Variants in CDKN2C observed in about 807,000 individuals in gnomAD.
The protein encoded by CDKN2C is cyclin-dependent kinase 4 inhibitor C.
In CDKN2C, 5 loss-of-function variants were observed where a neutral mutation model predicts 11.0. The observed-to-expected ratio is 0.45, with a 90% CI of 0.24 to 0.95. The LOEUF (loss-of-function observed/expected upper bound fraction) is 0.95, where lower values mean the gene tolerates loss of function less well. Among genes scored for constraint, CDKN2C ranks in the 40% least tolerant of loss-of-function variants. The pLI is 0.21. For synonymous variants in CDKN2C, 79 were observed against 88.3 expected (o/e 0.89, Z 0.59); for missense variants, 161 against 211.9 (o/e 0.76, Z 1.49).
intron 1 of CDKN2C, among the ~76,000 whole-genome samples, chr1:50,964,373 G>A (rs917276303): frequency 2.6e-5 from 4 of 152,316 alleles, no homozygotes; most frequent in East Asian, 3.9e-4. Context: ...ACACTGAGAT[G>A]TGTATCACCG....
At chr1:50,970,218 C>A, upstream of CDKN2C, 1 of 884,456 alleles carries the variant, frequency 1.1e-6, no homozygotes, top group Non-Finnish European at 1.7e-6. Context: ...GCAGATCTTA[C>A]TAGTATTTAC....
chr1:50,965,746 T>G (rs112434456), upstream of CDKN2C, among the ~76,000 whole-genome samples: 456 of 151,966 alleles, frequency 3.0e-3, 4 homozygotes, highest in African/African-American at 0.01. Flanking sequence ...TAATAAAAAA[T>G]TTTCATAAAT....
chr1:50,964,395 T>C (rs1645337575), intron 1 of CDKN2C, among the ~76,000 whole-genome samples: 1 of 152,246 alleles, frequency 6.6e-6, no homozygotes, highest in African/African-American at 2.4e-5. Context: ...AGAGGTGATA[T>C]GTCCTTGTTA....
At chr1:50,967,463 A>C (rs1167263333), upstream of CDKN2C, among the ~76,000 whole-genome samples, 1 of 152,138 alleles carries the variant, frequency 6.6e-6, no homozygotes, top group Admixed American at 6.5e-5. Context: ...TCTACCTACC[A>C]ATCTCTTGCT....
At chr1:50,968,468 G>A (rs1645359252), upstream of CDKN2C, 1 of 152,410 alleles carries the variant, frequency 6.6e-6, no homozygotes, top group Admixed American at 6.5e-5. Context: ...CAGAAGGGCA[G>A]GCCGGACTTC....
intron 1 of CDKN2C, among the ~76,000 whole-genome samples, chr1:50,971,686 A>T: frequency 6.6e-6 from 1 of 152,226 alleles, no homozygotes; most frequent in Middle Eastern, 3.2e-3. Context: ...TTGAAAACTC[A>T]AAAGATTATA....
At chr1:50,969,799 C>T (rs1347325200), upstream of CDKN2C, 1 of 189,922 alleles carries the variant, frequency 5.3e-6, no homozygotes, top group Non-Finnish European at 1.1e-5. This position sits in a 1 kb window ranked among gnomAD's most constrained non-coding sequence, Gnocchi z 6.6. Context: ...GCGGAGGACC[C>T]AGGACTATCC....
chr1:50,969,895 C>A, upstream of CDKN2C: 1 of 227,542 alleles, frequency 4.4e-6, no homozygotes, highest in South Asian at 9.9e-5. The surrounding 1 kb of genome is among the most constrained non-coding windows in gnomAD (Gnocchi z 6.6). Context: ...CCACCGTGAA[C>A]AAGGGTGGGT....
chr1:50,972,876 G>C (rs749232796), intron 1 of CDKN2C, among the ~76,000 whole-genome samples: 1 of 152,106 alleles, frequency 6.6e-6, no homozygotes. Context: ...ACTAACACAG[G>C]ATCACCAGTT....
Position 50,970,297 on chromosome 1 carries a change from G to T in CDKN2C, c.-72G>T. 6.3e-7 allele frequency: 1 copy of T among 1,589,730 alleles called. No homozygotes were observed. The highest frequency in any genetic ancestry group is 8.6e-7 in the Non-Finnish European group (1 of 1,165,664). On this transcript the variant is annotated 5_prime_UTR_variant, in exon 1 of 2. Coordinates refer to ENST00000371761, the MANE Select transcript of CDKN2C (RefSeq NM_078626.3). Reference sequence around the variant, plus strand: ...GTCTCCGATGCCATCATGCAGCCTGGTTAGGAGCAAAGGAAAGGGGAAAAA... The same window carrying T: ...GTCTCCGATGCCATCATGCAGCCTGTTTAGGAGCAAAGGAAAGGGGAAAAA...
chr1:50,973,818 G>T, intron 1 of CDKN2C, 75 bp from the exon 2 acceptor site: 1 of 1,528,386 alleles, frequency 6.5e-7, no homozygotes. Context: ...ATAAATGGAA[G>T]GACAGGCAGA....
chr1:50,972,019 AT>A (rs2147957323), intron 1 of CDKN2C, among the ~76,000 whole-genome samples: 1 of 152,208 alleles, frequency 6.6e-6, no homozygotes, highest in Non-Finnish European at 1.5e-5. Flanking sequence ...CGTTTCCAAT[AT>A]TGCTATTATT....
exon 1 of CDKN2C, chr1:50,960,745 AAC>A (rs1645313717): frequency 6.6e-6 from 1 of 152,272 alleles, no homozygotes; most frequent in African/African-American, 2.4e-5. Context: ...CAGACTCCGT[AAC>A]ACAGAAGTAA....
At chr1:50,968,600 C>G (rs1197918395), upstream of CDKN2C, 1 of 152,076 alleles carries the variant, frequency 6.6e-6, no homozygotes, top group South Asian at 2.1e-4. Context: ...CGGGACCGGG[C>G]GGGCGGAGCG....
At chr1:50,963,320 T>G (rs777375523) in intron 1 of CDKN2C, among the ~76,000 whole-genome samples, 2 of 152,282 alleles carry the variant, frequency 1.3e-5, no homozygotes, top group Non-Finnish European at 2.9e-5. Context: ...TTCACCATAG[T>G]GCAAACATAG....
chr1:50,965,303 T>C (rs1570198730), upstream of CDKN2C, among the ~76,000 whole-genome samples: 2 of 151,584 alleles, frequency 1.3e-5, no homozygotes, highest in East Asian at 1.9e-4. Context: ...ATGGAGACCA[T>C]CCTGGCCAAC....
At chr1:50,964,001 T>C (rs1476044104) in intron 1 of CDKN2C, among the ~76,000 whole-genome samples, 1 of 151,740 alleles carries the variant, frequency 6.6e-6, no homozygotes, top group Non-Finnish European at 1.5e-5. Flanking sequence ...ATATTATTTA[T>C]ATTTTACTAA....
At chr1:50,968,277 C>G (rs1645357966), upstream of CDKN2C, 1 of 152,386 alleles carries the variant, frequency 6.6e-6, no homozygotes, top group Non-Finnish European at 1.5e-5. Flanking sequence ...CGACCTGCCC[C>G]GCTAGCGCTG....
chr1:50,972,584 A>G (rs1645386499), intron 1 of CDKN2C, among the ~76,000 whole-genome samples: 1 of 152,132 alleles, frequency 6.6e-6, no homozygotes, highest in Non-Finnish European at 1.5e-5. Flanking sequence ...ATACCTAGAT[A>G]TAAATAAACC....
Sources: gnomAD v4.1 joint callset for allele counts (sites outside exome capture counted in the v4.1 genomes callset) on GRCh38, gnomAD v4.1.1 for gene constraint, Gnocchi (gnomAD v3.1) non-coding constraint, MANE v1.5 for transcripts, NCBI Gene and HGNC (gene_info 2026-07-23, HGNC 2026-07-21) for gene names.